The following IL36B variants were observed in gnomAD, a reference collection of about 807,000 sequenced individuals.
IL36B encodes interleukin 36 beta, also known as interleukin-36 beta.
Under a neutral mutation model 19.3 loss-of-function variants are expected in IL36B, and 23 were observed. The observed-to-expected ratio is 1.19, with a 90% CI of 0.86 to 1.69. The LOEUF (loss-of-function observed/expected upper bound fraction) is 1.69, where lower values mean the gene tolerates loss of function less well. Ranked by LOEUF, IL36B falls within the 40% of genes most tolerant of loss-of-function variation. The probability of loss-of-function intolerance (pLI) is 0.00; values close to 1 mark genes in which losing one functional copy is unlikely to be tolerated. For synonymous variants in IL36B, 59 were observed against 59.7 expected (o/e 0.99, Z 0.05); for missense variants, 217 against 200.5 (o/e 1.08, Z -0.50).
rs1313304435 is a variant in IL36B at position 113,043,656 on chromosome 2, G to T, written c.-58+9161C>A. Among the ~76,000 whole-genome samples, 3 of 152,076 alleles carry T rather than the reference G, an allele frequency of 2.0e-5. No individual in the cohort carries two copies. In the East Asian group the frequency reaches 5.8e-4, roughly 29 times the overall value. ...GCTCTCTGCAACCTCCGCTCCCCAG[G>T]TTCAAGCAATTCTCTATCTTCCAAG... is the stretch of plus-strand genomic sequence containing the variant. On this transcript the variant is annotated intron_variant, in intron 1 of 5. Coordinates refer to ENST00000259213, the MANE Select transcript of IL36B (RefSeq NM_014438.5).
intron 1 of IL36B, among the ~76,000 whole-genome samples, chr2:113,040,409 G>T (rs963297243): frequency 1.3e-5 from 2 of 152,122 alleles, no homozygotes; most frequent in Non-Finnish European, 2.9e-5. Context: ...TAGTCATTTT[G>T]AGAAGTCTGC....
intron 1 of IL36B, among the ~76,000 whole-genome samples, chr2:113,044,491 C>T (rs1685316175): frequency 6.6e-6 from 1 of 152,104 alleles, no homozygotes; most frequent in Admixed American, 6.5e-5. Context: ...CAAGGTCTCA[C>T]TATGTTGCCC....
intron 1 of IL36B, among the ~76,000 whole-genome samples, chr2:113,033,111 G>A (rs1394869526): frequency 6.6e-6 from 1 of 152,194 alleles, no homozygotes; most frequent in Non-Finnish European, 1.5e-5. Context: ...AGTACTCCTT[G>A]CAGGAGTTTT....
At chr2:113,027,678 T>C (rs1439642895) in intron 4 of IL36B, 1 of 1,380,572 alleles carries the variant, frequency 7.2e-7, no homozygotes, top group Admixed American at 3.1e-5. Context: ...CAAGAAAGAA[T>C]GGAAAGTGAT....
rs753787839 is a variant in IL36B at position 113,031,137 on chromosome 2, G to T, written c.32C>A (p.Ser11Tyr). The change falls in exon 3 of 6, where the codon TCC (serine) becomes TAC (tyrosine). Residue 11 changes from serine (S) to tyrosine (Y), a missense_variant. Ser to Tyr is a moderately radical substitution (Grantham distance 144, BLOSUM62 -2). Transcript: ENST00000259213. The stretch of plus-strand genomic sequence containing the variant: ...CTGTCGAGAATCACGAATAGCATAG[G>T]ATTTGGGTGCTGCCTCCCCTGCCAG... 2 of 1,614,022 alleles carry T rather than the reference G, an allele frequency of 1.2e-6. No individual in the cohort carries two copies. The highest frequency in any genetic ancestry group is 1.3e-5 in the African/African-American group (1 of 75,048).
rs58701438 is a variant in IL36B, at chr2:113,034,486, C to CTATTTATT, written c.-57-2728_-57-2721dup. Among the ~76,000 whole-genome samples, 20 of 151,366 alleles carry CTATTTATT rather than the reference C, an allele frequency of 1.3e-4. 1 individual carries two copies. Among genetic ancestry groups the CTATTTATT allele is most frequent in the Admixed American group, 4.0e-4 (6 of 15,170 alleles). On this transcript the variant is annotated intron_variant, in intron 1 of 5. Transcript: ENST00000259213. ...GGTTTTGGAAAATGTATTTATCCATCTATTTATTTATTTATTATCTCCACT... is the reference window on the plus strand; with the variant it reads ...GGTTTTGGAAAATGTATTTATCCATCTATTTATTTATTTATTTATTTATTATCTCCACT...
chr2:113,022,852 T>C, intron 5 of IL36B: 1 of 968,102 alleles, frequency 1.0e-6, no homozygotes, highest in Non-Finnish European at 1.7e-6. Context: ...GAATAGGGGC[T>C]AAAAGGGCAG....
intron 5 of IL36B, among the ~76,000 whole-genome samples, chr2:113,024,007 A>T (rs1684908419): frequency 6.6e-6 from 1 of 152,176 alleles, no homozygotes; most frequent in Non-Finnish European, 1.5e-5. Context: ...GGAGGGAAGG[A>T]CAGGGCAGAT....
At chr2:113,031,216 G>A (rs985154836) in intron 2 of IL36B, 61 bp from the exon 3 acceptor site, 1 of 1,105,578 alleles carries the variant, frequency 9.0e-7, no homozygotes, top group East Asian at 2.4e-5. Flanking sequence ...GACTCCAGTT[G>A]CATCCTGGTA....
At position 113,030,326 on chromosome 2, in the gene IL36B, G is replaced by A. The variant is rs894516183; in HGVS notation, c.121+722C>T. The stretch of plus-strand genomic sequence containing the variant: ...CCAAATAGCATGGGGACCAAGAAGT[G>A]TCCTTTGGGTTTGAGTATTTGAAGG... On this transcript the variant is annotated intron_variant, in intron 3 of 5. Coordinates refer to ENST00000259213, the MANE Select transcript of IL36B (RefSeq NM_014438.5). Among the ~76,000 whole-genome samples the A allele has an allele frequency of 2.6e-5, 4 of 152,166 alleles. No individual in the cohort carries two copies. The East Asian group carries it at 5.8e-4, about 22-fold the overall frequency.
intron 1 of IL36B, among the ~76,000 whole-genome samples, chr2:113,050,868 C>T (rs1240408963): frequency 3.9e-5 from 6 of 152,172 alleles, no homozygotes; most frequent in African/African-American, 7.2e-5. Context: ...TTTAGATGCT[C>T]GCTACTCGGG....
At position 113,029,086 on chromosome 2, in the gene IL36B, CA is replaced by C. The variant is rs1685021344; in HGVS notation, c.122-9del. 1.2e-6 allele frequency: 2 copies of C among 1,609,704 alleles called. No homozygotes were observed. Among genetic ancestry groups the C allele is most frequent in the African/African-American group, 2.7e-5 (2 of 74,732 alleles). On this transcript the variant is annotated splice_polypyrimidine_tract_variant and intron_variant, in intron 3 of 5. Transcript: ENST00000259213. ...CTATTAAATGAAGAGTGACTGGAAACACAAAGGAAAATGGAGAAGATGTTTC... is the reference window on the plus strand; with the variant it reads ...CTATTAAATGAAGAGTGACTGGAAACCAAAGGAAAATGGAGAAGATGTTTC...
chr2:113,044,109 G>T (rs976067384), intron 1 of IL36B, among the ~76,000 whole-genome samples: 4 of 152,066 alleles, frequency 2.6e-5, no homozygotes, highest in African/African-American at 9.7e-5. Flanking sequence ...AAGGCATATC[G>T]TTCTGGCTTT....
intron 1 of IL36B, among the ~76,000 whole-genome samples, chr2:113,050,625 C>T (rs1273617181): frequency 6.6e-6 from 1 of 151,970 alleles, no homozygotes; most frequent in African/African-American, 2.4e-5. Flanking sequence ...GTATATCTTA[C>T]CACATTTAAT....
At chr2:113,029,143 C>G in intron 3 of IL36B, 65 bp from the exon 4 acceptor site, 1 of 1,521,498 alleles carries the variant, frequency 6.6e-7, no homozygotes, top group South Asian at 1.2e-5. Context: ...CAGTTACTCC[C>G]CCCAGGTAGG....
At position 113,026,130 on chromosome 2, in the gene IL36B, T is replaced by G; in HGVS notation, c.364A>C (p.Thr122Pro). The G allele has an allele frequency of 6.2e-7, 1 of 1,613,850 alleles. No homozygotes were observed. Among genetic ancestry groups the G allele is most frequent in the Admixed American group, 1.7e-5 (1 of 60,006 alleles). Residue 122 changes from threonine (T) to proline (P), a missense_variant, in exon 5 of 6, where the codon ACC (threonine) becomes CCC (proline). Thr to Pro is a conservative substitution (Grantham distance 38). Coordinates refer to ENST00000259213, the MANE Select transcript of IL36B (RefSeq NM_014438.5). ...ACTCCTATTCCCCATTGGTCAAGGGTTCCCATGAAGCAGCTCTCTCTCACA... is the reference window on the plus strand; with the variant it reads ...ACTCCTATTCCCCATTGGTCAAGGGGTCCCATGAAGCAGCTCTCTCTCACA...
intron 1 of IL36B, among the ~76,000 whole-genome samples, chr2:113,043,145 T>C (rs972963251): frequency 6.6e-6 from 1 of 152,148 alleles, no homozygotes; most frequent in African/African-American, 2.4e-5. Context: ...GTTTCCTTTT[T>C]ATTAAGTTTT....
chr2:113,047,238 G>A (rs1197042828), intron 1 of IL36B, among the ~76,000 whole-genome samples: 1 of 151,998 alleles, frequency 6.6e-6, no homozygotes, highest in Admixed American at 6.6e-5. Flanking sequence ...TGTATTTTCT[G>A]TGCCCGTCCC....
intron 3 of IL36B, among the ~76,000 whole-genome samples, chr2:113,030,594 G>A (rs1157706199): frequency 1.3e-5 from 2 of 152,166 alleles, no homozygotes; most frequent in African/African-American, 4.8e-5. Context: ...CTGGATACAG[G>A]GAAAGAAGCT....
Sources: gnomAD v4.1 joint callset for allele counts (sites outside exome capture counted in the v4.1 genomes callset) on GRCh38, gnomAD v4.1.1 for gene constraint, MANE v1.5 for transcripts, NCBI Gene and HGNC (gene_info 2026-07-23, HGNC 2026-07-21) for gene names.